ARHGEF6: variants seen among roughly 807,000 people sequenced by gnomAD.
The protein encoded by ARHGEF6 is rho guanine nucleotide exchange factor 6.
A neutral mutation model predicts 70.3 loss-of-function variants in ARHGEF6; 9 were observed. That is an observed-to-expected ratio of 0.13 (90% CI 0.08 to 0.22). The LOEUF is 0.22. Among genes scored for constraint, ARHGEF6 ranks in the 10% least tolerant of loss-of-function variants. ARHGEF6 has a pLI of 1.00. For missense variants in ARHGEF6, 470 were observed against 563.0 expected, an observed-to-expected ratio of 0.83 and a Z score of 1.67; for synonymous variants, 201 against 207.8, an observed-to-expected ratio of 0.97 and a Z score of 0.28.
At chrX:136,671,835 C>T (rs1253888351) in intron 20 of ARHGEF6, among the ~76,000 whole-genome samples, 185 bp downstream of exon 20, 1 of 112,002 alleles carries the variant, frequency 8.9e-6, no homozygotes, top group Non-Finnish European at 1.9e-5. Context: ...GCTTTTCCTT[C>T]CTCTTTCCAT....
intron 2 of ARHGEF6, among the ~76,000 whole-genome samples, chrX:136,754,529 G>A (rs1268514272): frequency 1.0e-5 from 1 of 98,471 alleles, no homozygotes. Context: ...AGGTTGCAGC[G>A]AGCTGAGATT....
intron 1 of ARHGEF6, among the ~76,000 whole-genome samples, chrX:136,780,513 C>G (rs766026828): frequency 3.4e-4 from 38 of 112,131 alleles, no homozygotes; most frequent in Admixed American, 1.0e-3. Context: ...CCCTATACTA[C>G]AATTTGGGGG....
rs750902029 is a variant in ARHGEF6 at position 136,780,751 on chromosome X, C to T, written c.132G>A (p.Leu44=). ...CAGAGCCAGGCATGAGTCTGTTGAT[C>T]AGTTTGCACAGAACTACCCCATTTT... is the stretch of plus-strand genomic sequence containing the variant. The part of the protein sequence containing the change: ...SLKNGVVLCK[L]INRLMPGSVE... Residue 44 remains leucine, a synonymous_variant, in exon 1 of 22, where the codon CTG becomes CTA. Transcript: ENST00000250617. 11 of 1,209,426 alleles carry T rather than the reference C, an allele frequency of 9.1e-6. No individual in the cohort carries two copies. The highest frequency in any genetic ancestry group is 1.2e-5 in the Non-Finnish European group (11 of 895,041).
chrX:136,689,229 C>T lies in ARHGEF6; in HGVS notation c.1186-1238G>A, dbSNP rs145987918. On this transcript the variant is annotated intron_variant, in intron 10 of 21. Transcript: ENST00000250617. ...TGAAATCTGCACAAAGTGTCTCACC[C>T]AGTGGTGAACTAGTTCTAAAGGCTT... Among the ~76,000 whole-genome samples, 458 of 112,147 alleles carry T rather than the reference C, an allele frequency of 4.1e-3. 2 individuals are homozygous for T. The highest frequency in any genetic ancestry group is 0.014 in the African/African-American group (419 of 30,846).
At chrX:136,738,152 C>T (rs2077006057) in intron 5 of ARHGEF6, among the ~76,000 whole-genome samples, 1 of 110,814 alleles carries the variant, frequency 9.0e-6, no homozygotes, top group African/African-American at 3.3e-5. Flanking sequence ...AATACTGATG[C>T]TCTGCTATAT....
At chrX:136,699,219 T>C in intron 9 of ARHGEF6, among the ~76,000 whole-genome samples, 1 of 110,875 alleles carries the variant, frequency 9.0e-6, no homozygotes, top group East Asian at 2.8e-4. Context: ...ATAATAATAA[T>C]AACAAAAAGG....
At chrX:136,676,592 T>A (rs999856238) in intron 18 of ARHGEF6, 32 bp downstream of exon 18, 1 of 1,084,155 alleles carries the variant, frequency 9.2e-7, no homozygotes, top group Non-Finnish European at 1.3e-6. Flanking sequence ...AATTTATCCA[T>A]AAACAACTTT....
At chrX:136,714,988 C>G (rs1603342674) in intron 6 of ARHGEF6, among the ~76,000 whole-genome samples, 2 of 111,869 alleles carry the variant, frequency 1.8e-5, no homozygotes, top group African/African-American at 6.5e-5. Flanking sequence ...TGATGGAATG[C>G]CCATATCATT....
At chrX:136,695,958 G>T (rs1163160877) in intron 9 of ARHGEF6, among the ~76,000 whole-genome samples, 3 of 111,590 alleles carry the variant, frequency 2.7e-5, no homozygotes, top group Non-Finnish European at 5.6e-5. Flanking sequence ...TTCCTAAAAA[G>T]AAACTAGTAG....
chrX:136,727,081 T>C (rs1215177665), intron 6 of ARHGEF6, among the ~76,000 whole-genome samples: 1 of 112,147 alleles, frequency 8.9e-6, no homozygotes, highest in African/African-American at 3.2e-5. Context: ...TCTGCTTGTC[T>C]AACTTCCGAC....
chrX:136,770,631 T>C lies in ARHGEF6; in HGVS notation c.249+8783A>G, dbSNP rs746384528. On this transcript the variant is annotated intron_variant, in intron 2 of 21. Coordinates refer to ENST00000250617, the MANE Select transcript of ARHGEF6 (RefSeq NM_004840.3). ...CATACTCTTGTATAAGAAAACCATATGGGAATCCACTAAAAAACTATTCAA... is the reference window on the plus strand; with the variant it reads ...CATACTCTTGTATAAGAAAACCATACGGGAATCCACTAAAAAACTATTCAA... 6.2e-5 allele frequency among the ~76,000 whole-genome samples: 7 copies of C among 112,375 alleles called. No homozygotes were observed. The East Asian group carries it at 8.3e-4, about 13-fold the overall frequency.
chrX:136,708,912 C>T (rs2076655757), intron 7 of ARHGEF6, 142 bp from the exon 8 acceptor site: 1 of 404,839 alleles, frequency 2.5e-6, no homozygotes, highest in East Asian at 4.9e-5. Context: ...TTGTCTTAGG[C>T]AGCTTCTTAA....
At chrX:136,774,345 GA>G (rs779669090) in intron 2 of ARHGEF6, among the ~76,000 whole-genome samples, 179 of 103,757 alleles carry the variant, frequency 1.7e-3, no homozygotes, top group Middle Eastern at 9.7e-3. Flanking sequence ...GTTTTTATTT[GA>G]AAAAAAAAAA....
At chrX:136,681,581 A>C in intron 14 of ARHGEF6, among the ~76,000 whole-genome samples, 1 of 112,403 alleles carries the variant, frequency 8.9e-6, no homozygotes, top group Non-Finnish European at 1.9e-5. Flanking sequence ...GCCACCAGGG[A>C]ACAAATGACA....
At position 136,682,425 on chromosome X, in the gene ARHGEF6, CAT is replaced by C. The variant is rs1409741487; in HGVS notation, c.1479+331_1479+332del. ...TGTGCTGTGACTATAATAAGACAAA[CAT>C]AGGAGCAGGTCCCAGCTTTATGTTT... On this transcript the variant is annotated intron_variant, in intron 13 of 21. Coordinates refer to ENST00000250617, the MANE Select transcript of ARHGEF6 (RefSeq NM_004840.3). Among the ~76,000 whole-genome samples the C allele has an allele frequency of 2.7e-5, 3 of 112,003 alleles. No homozygotes were observed. The Admixed American group carries it at 2.8e-4, about 11-fold the overall frequency.
At chrX:136,745,573 C>T (rs957650493) in intron 3 of ARHGEF6, among the ~76,000 whole-genome samples, 8 of 111,665 alleles carry the variant, frequency 7.2e-5, no homozygotes, top group Non-Finnish European at 1.5e-4. Flanking sequence ...TGAAAAACAG[C>T]GACAGAACCA....
At chrX:136,695,606 T>C (rs1387901582) in intron 9 of ARHGEF6, among the ~76,000 whole-genome samples, 1 of 112,596 alleles carries the variant, frequency 8.9e-6, no homozygotes, top group Non-Finnish European at 1.9e-5. Flanking sequence ...CAGAATATTG[T>C]TTTCATATCA....
chrX:136,682,543 C>T (rs765850616), intron 13 of ARHGEF6, among the ~76,000 whole-genome samples: 5 of 111,796 alleles, frequency 4.5e-5, no homozygotes, highest in East Asian at 5.5e-4. Context: ...ATAACTAAAG[C>T]GGTGGATATA....
chrX:136,711,022 G>C (rs949757658), intron 7 of ARHGEF6, among the ~76,000 whole-genome samples: 6 of 111,416 alleles, frequency 5.4e-5, no homozygotes, highest in African/African-American at 2.0e-4. Flanking sequence ...GTGTGGATGT[G>C]GTGAAAAGGG....
Sources: gnomAD v4.1 joint callset for allele counts (sites outside exome capture counted in the v4.1 genomes callset) on GRCh38, gnomAD v4.1.1 for gene constraint, MANE v1.5 for transcripts, NCBI Gene and HGNC (gene_info 2026-07-23, HGNC 2026-07-21) for gene names.